GPC5: variants seen among roughly 807,000 people sequenced by gnomAD.
The protein encoded by GPC5 is glypican-5.
Under a neutral mutation model 53.9 loss-of-function variants are expected in GPC5, and 47 were observed. The observed-to-expected ratio is 0.87, with a 90% CI of 0.69 to 1.11. GPC5 has a LOEUF of 1.11. Ranked by LOEUF, GPC5 falls within the 50% of genes most tolerant of loss-of-function variation. The probability of loss-of-function intolerance (pLI) is 0.00; values close to 1 mark genes in which losing one functional copy is unlikely to be tolerated. For missense variants in GPC5, 748 were observed against 713.1 expected, an observed-to-expected ratio of 1.05 and a Z score of -0.56; for synonymous variants, 286 against 263.3, an observed-to-expected ratio of 1.09 and a Z score of -0.84.
intron 6 of GPC5, among the ~76,000 whole-genome samples, chr13:91,935,431 C>G (rs988143019): frequency 6.6e-6 from 1 of 151,986 alleles, no homozygotes; most frequent in Non-Finnish European, 1.5e-5. Context: ...TTCCTTCCAC[C>G]ATGTGAGGAC....
intron 2 of GPC5, among the ~76,000 whole-genome samples, chr13:91,522,122 C>T (rs1335738292): frequency 6.6e-6 from 1 of 152,228 alleles, no homozygotes; most frequent in Non-Finnish European, 1.5e-5. Flanking sequence ...CCCTTCCAAA[C>T]CCTGTCCTTT....
chr13:92,116,205 T>TA (rs546103327), intron 6 of GPC5, among the ~76,000 whole-genome samples: 57 of 152,176 alleles, frequency 3.7e-4, no homozygotes, highest in African/African-American at 1.3e-3. Flanking sequence ...GCCATGATTG[T>TA]ACCACTGAAT....
chr13:91,497,553 C>T (rs1884344886), intron 2 of GPC5, among the ~76,000 whole-genome samples: 1 of 152,142 alleles, frequency 6.6e-6, no homozygotes, highest in African/African-American at 2.4e-5. Flanking sequence ...GGTATATACT[C>T]ACCTTCCTAA....
chr13:91,542,850 A>ATTTTT (rs3055888), intron 2 of GPC5, among the ~76,000 whole-genome samples: 2 of 68,228 alleles, frequency 2.9e-5, no homozygotes, highest in Non-Finnish European at 5.5e-5. Flanking sequence ...TGCCCAGCCA[A>ATTTTT]TTTTTTTTTT....
chr13:91,557,009 T>C (rs2030996075), intron 2 of GPC5, among the ~76,000 whole-genome samples: 1 of 152,116 alleles, frequency 6.6e-6, no homozygotes, highest in South Asian at 2.1e-4. Context: ...GCTGCTATGA[T>C]CGTTTGTTTA....
intron 7 of GPC5, among the ~76,000 whole-genome samples, chr13:92,397,919 A>G (rs1458203115): frequency 6.6e-6 from 1 of 152,180 alleles, no homozygotes; most frequent in Admixed American, 6.5e-5. Context: ...TAAAAATACA[A>G]TGTACTATAT....
chr13:91,935,949 C>A (rs2039866719), intron 6 of GPC5, among the ~76,000 whole-genome samples: 3 of 151,650 alleles, frequency 2.0e-5, no homozygotes, highest in African/African-American at 7.3e-5. Flanking sequence ...AGGAAGAAAC[C>A]CAAGATGTAA....
At chr13:92,311,812 A>G (rs2043146938) in intron 7 of GPC5, among the ~76,000 whole-genome samples, 1 of 152,198 alleles carries the variant, frequency 6.6e-6, no homozygotes, top group Admixed American at 6.5e-5. Flanking sequence ...GGGTGGGGAC[A>G]CAGCCAAACC....
chr13:91,675,641 G>A (rs1232519492), intron 2 of GPC5, among the ~76,000 whole-genome samples: 1 of 152,226 alleles, frequency 6.6e-6, no homozygotes, highest in Non-Finnish European at 1.5e-5. Context: ...ACAACCAATA[G>A]CCTAATTGGA....
intron 2 of GPC5, among the ~76,000 whole-genome samples, chr13:91,566,304 G>A (rs2031524429): frequency 1.3e-5 from 2 of 152,166 alleles, no homozygotes; most frequent in Non-Finnish European, 2.9e-5. Flanking sequence ...GGTGGCTTAT[G>A]TCTGTAATCC....
chr13:92,845,187 A>G (rs542443441), intron 7 of GPC5, among the ~76,000 whole-genome samples: 16 of 152,162 alleles, frequency 1.1e-4, no homozygotes, highest in Non-Finnish European at 2.4e-4. Context: ...GTTTCAGAAA[A>G]TGCAAAACTG....
At chr13:92,292,739 G>A (rs990636298) in intron 7 of GPC5, among the ~76,000 whole-genome samples, 7 of 152,028 alleles carry the variant, frequency 4.6e-5, no homozygotes, top group Non-Finnish European at 7.4e-5. Flanking sequence ...TGAAAACTTC[G>A]CCTAAGCCAG....
chr13:92,374,626 T>C (rs939577482), intron 7 of GPC5, among the ~76,000 whole-genome samples: 2 of 146,530 alleles, frequency 1.4e-5, no homozygotes, highest in African/African-American at 5.1e-5. Flanking sequence ...CACCGCATAT[T>C]CTCACTCATA....
chr13:92,509,578 A>C (rs181176532), intron 7 of GPC5: 5 of 152,346 alleles, frequency 3.3e-5, no homozygotes, highest in African/African-American at 1.2e-4. Context: ...AAAGCAGATA[A>C]AGATGTGATC....
chr13:92,752,333 C>A lies in GPC5; in HGVS notation c.1562-113949C>A, dbSNP rs765759526. 2.9e-4 allele frequency among the ~76,000 whole-genome samples: 44 copies of A among 152,296 alleles called. 1 individual carries two copies. Among genetic ancestry groups the A allele is most frequent in the Middle Eastern group, 6.8e-3 (2 of 294 alleles). ...CTGGGGGACAAAATGCTCTGGTCCT[C>A]TTCAGAACCAATGCTTTAGAGTAAA... On this transcript the variant is annotated intron_variant, in intron 7 of 7. Transcript: ENST00000377067.
intron 7 of GPC5, among the ~76,000 whole-genome samples, chr13:92,726,260 T>C (rs1047546637): frequency 6.6e-6 from 1 of 151,478 alleles, no homozygotes; most frequent in Non-Finnish European, 1.5e-5. Flanking sequence ...AAAACACCCT[T>C]GATCTACATA....
chr13:91,540,221 C>T (rs540968202), intron 2 of GPC5, among the ~76,000 whole-genome samples: 17 of 152,196 alleles, frequency 1.1e-4, no homozygotes, highest in Non-Finnish European at 1.8e-4. Context: ...GCTGGCCCTT[C>T]CAGACTCTCT....
intron 7 of GPC5, among the ~76,000 whole-genome samples, chr13:92,595,605 G>A (rs1011251908): frequency 6.6e-6 from 1 of 150,886 alleles, no homozygotes; most frequent in Non-Finnish European, 1.5e-5. Flanking sequence ...CGTCTCTACT[G>A]AAAATACAAA....
chr13:91,851,484 T>A (rs1431351477), intron 5 of GPC5, among the ~76,000 whole-genome samples: 1 of 150,354 alleles, frequency 6.7e-6, no homozygotes, highest in East Asian at 1.9e-4. Context: ...CTACAATAAA[T>A]TTAGAATACG....
Sources: allele counts gnomAD v4.1 joint callset (sites outside exome capture counted in the v4.1 genomes callset), GRCh38; gene constraint gnomAD v4.1.1; transcripts MANE v1.5; gene names NCBI Gene and HGNC (gene_info 2026-07-23, HGNC 2026-07-21).